Variants in UGGT2 observed in about 807,000 individuals in gnomAD.
UGGT2 encodes UDP-glucose:glycoprotein glucosyltransferase 2.
A neutral mutation model predicts 192.1 loss-of-function variants in UGGT2; 180 were observed. The observed-to-expected ratio is 0.94, with a 90% CI of 0.83 to 1.06. UGGT2 has a LOEUF of 1.06. Ranked by LOEUF, UGGT2 falls within the 50% of genes least tolerant of loss-of-function variation. The pLI, the probability that UGGT2 is intolerant of heterozygous loss-of-function variation, is 0.00. For synonymous variants in UGGT2, 580 were observed against 591.0 expected, an observed-to-expected ratio of 0.98 and a Z score of 0.27; for missense variants, 1,849 against 1,795.7, an observed-to-expected ratio of 1.03 and a Z score of -0.54.
At position 95,884,641 on chromosome 13, in the gene UGGT2, C is replaced by A. The variant is rs202019203; in HGVS notation, c.3078G>T (p.Gly1026=). ...GTCCAAGAGAAGAAACGTCATTAGC[C>A]CCTGACATCAGTTCTGGTTCCAGAA... ...RFVLEPELMS[G]ANDVSSLGPV... The change falls in exon 27 of 39, where the codon GGG becomes GGT. Residue 1026 remains glycine (G), a synonymous_variant. Coordinates refer to ENST00000376747, the MANE Select transcript of UGGT2 (RefSeq NM_020121.4). The A allele has an allele frequency of 3.1e-6, 5 of 1,613,376 alleles. No individual in the cohort carries two copies. In the South Asian group the frequency reaches 5.5e-5, roughly 18 times the overall value.
intron 12 of UGGT2, among the ~76,000 whole-genome samples, chr13:95,967,803 T>TA: frequency 6.6e-6 from 1 of 152,342 alleles, no homozygotes; most frequent in East Asian, 1.9e-4. Flanking sequence ...TATGCTGATT[T>TA]ACACGTCCTC....
chr13:95,884,387 C>A (rs2047584838), intron 27 of UGGT2, 104 bp downstream of exon 27: 1 of 908,838 alleles, frequency 1.1e-6, no homozygotes, highest in South Asian at 3.9e-5. Context: ...AAAGAATATT[C>A]TGGTAAACAT....
chr13:95,856,451 A>G, intron 33 of UGGT2, 111 bp from the exon 34 acceptor site: 2 of 1,042,262 alleles, frequency 1.9e-6, no homozygotes, highest in Non-Finnish European at 2.8e-6. Context: ...TTATAAACTA[A>G]TAGGCAAGAT....
intron 13 of UGGT2, among the ~76,000 whole-genome samples, chr13:95,948,623 G>C (rs1202802040): frequency 3.3e-5 from 5 of 152,114 alleles, no homozygotes; most frequent in Non-Finnish European, 5.9e-5. Context: ...ATGCATAGAT[G>C]ATAAAGTGGT....
At chr13:95,929,447 T>C (rs375104237) in intron 17 of UGGT2, among the ~76,000 whole-genome samples, 30 of 152,120 alleles carry the variant, frequency 2.0e-4, no homozygotes, top group African/African-American at 7.2e-4. Flanking sequence ...CCTGACTTTT[T>C]CCTTCCCTCT....
At chr13:95,885,472 A>T (rs1468923429) in intron 26 of UGGT2, among the ~76,000 whole-genome samples, 1 of 152,214 alleles carries the variant, frequency 6.6e-6, no homozygotes, top group Non-Finnish European at 1.5e-5. Flanking sequence ...TTCAAAAGAG[A>T]AGCACACAGA....
At chr13:95,853,985 G>A (rs1025566360) in intron 35 of UGGT2, among the ~76,000 whole-genome samples, 2 of 152,144 alleles carry the variant, frequency 1.3e-5, no homozygotes, top group African/African-American at 4.8e-5. Flanking sequence ...ATCTTCTGGA[G>A]TAGTTAGGAG....
At chr13:95,960,743 T>C (rs1172844131) in intron 12 of UGGT2, among the ~76,000 whole-genome samples, 1 of 152,188 alleles carries the variant, frequency 6.6e-6, no homozygotes, top group East Asian at 1.9e-4. Context: ...TGGCAAATTA[T>C]AGTCAAACTG....
intron 38 of UGGT2, among the ~76,000 whole-genome samples, chr13:95,832,124 C>T (rs1329034104): frequency 6.6e-6 from 1 of 151,332 alleles, no homozygotes; most frequent in Non-Finnish European, 1.5e-5. Flanking sequence ...TTTCGGCTTC[C>T]CTAAACAGTA....
chr13:95,966,692 T>C lies in UGGT2; in HGVS notation c.1335+3420A>G, dbSNP rs61972944. On this transcript the variant is annotated intron_variant, in intron 12 of 38. Coordinates refer to ENST00000376747, the MANE Select transcript of UGGT2 (RefSeq NM_020121.4). ...TCATAAATATGTAAAATATTGTGTA[T>C]CAATTTAAAAAACCAAAAAACTATT... is the stretch of plus-strand genomic sequence containing the variant. 9.0e-3 allele frequency among the ~76,000 whole-genome samples: 1,368 copies of C among 152,172 alleles called. 14 individuals carry two copies. The highest frequency in any genetic ancestry group is 0.013 in the Non-Finnish European group (866 of 68,008).
At chr13:96,015,903 A>G (rs1223491590) in intron 4 of UGGT2, among the ~76,000 whole-genome samples, 1 of 152,146 alleles carries the variant, frequency 6.6e-6, no homozygotes, top group Non-Finnish European at 1.5e-5. Context: ...TTACGGTATC[A>G]CTCACTCAAT....
At chr13:95,979,252 T>C (rs1460034228) in intron 10 of UGGT2, among the ~76,000 whole-genome samples, 6 of 152,150 alleles carry the variant, frequency 3.9e-5, no homozygotes, top group Admixed American at 6.5e-5. Flanking sequence ...CAAAGGAAAT[T>C]TGCTGTACTT....
chr13:95,948,516 T>C (rs2049956262), intron 13 of UGGT2, among the ~76,000 whole-genome samples: 1 of 152,192 alleles, frequency 6.6e-6, no homozygotes, highest in Admixed American at 6.5e-5. Flanking sequence ...AAAAATATCT[T>C]ATTCATTTCC....
intron 15 of UGGT2, among the ~76,000 whole-genome samples, chr13:95,943,109 A>T (rs1438482054): frequency 2.0e-5 from 3 of 151,974 alleles, no homozygotes; most frequent in African/African-American, 7.2e-5. Context: ...AATACCACAA[A>T]CTTTATACAT....
At chr13:95,816,151 C>T (rs1019092726) in intron 38 of UGGT2, among the ~76,000 whole-genome samples, 3 of 152,176 alleles carry the variant, frequency 2.0e-5, no homozygotes, top group South Asian at 2.1e-4. Context: ...TTATAAATTA[C>T]CCAGTCTCAG....
At chr13:95,902,757 A>C (rs970962055) in intron 21 of UGGT2, 97 bp downstream of exon 21, 1 of 1,192,190 alleles carries the variant, frequency 8.4e-7, no homozygotes, top group African/African-American at 1.5e-5. Context: ...CATTTGTTTA[A>C]ATCTACCATT....
chr13:96,006,726 G>C (rs2051992920), intron 5 of UGGT2, among the ~76,000 whole-genome samples: 1 of 150,164 alleles, frequency 6.7e-6, no homozygotes, highest in Non-Finnish European at 1.5e-5. Flanking sequence ...GAGAAAGAAA[G>C]GAAAAAATCC....
At chr13:95,826,436 T>C (rs1285583661) in intron 38 of UGGT2, among the ~76,000 whole-genome samples, 2 of 152,034 alleles carry the variant, frequency 1.3e-5, no homozygotes, top group African/African-American at 4.8e-5. Flanking sequence ...CCATCTTTAT[T>C]TGGAGATAAG....
intron 16 of UGGT2, 83 bp downstream of exon 16, chr13:95,939,873 TA>T: frequency 8.4e-7 from 1 of 1,184,684 alleles, no homozygotes; most frequent in South Asian, 1.6e-5. Flanking sequence ...TGACTTTTTT[TA>T]AAGATTCTAC....
Sources: allele counts gnomAD v4.1 joint callset (sites outside exome capture counted in the v4.1 genomes callset), GRCh38; gene constraint gnomAD v4.1.1; transcripts MANE v1.5; gene names NCBI Gene and HGNC (gene_info 2026-07-23, HGNC 2026-07-21).